XYLT1: variants seen among roughly 807,000 people sequenced by gnomAD.
The protein encoded by XYLT1 is beta-D-xylosyltransferase 1.
XYLT1 carries 36 observed loss-of-function variants against 91.3 expected under a neutral mutation model. The observed-to-expected ratio is 0.39, with a 90% CI of 0.30 to 0.52. The LOEUF (loss-of-function observed/expected upper bound fraction) is 0.52, where lower values mean the gene tolerates loss of function less well. Among genes scored for constraint, XYLT1 ranks in the 20% least tolerant of loss-of-function variants. XYLT1 has a pLI of 0.68. For synonymous variants in XYLT1, 588 were observed against 532.0 expected, an observed-to-expected ratio of 1.11 and a Z score of -1.45; for missense variants, 1,242 against 1,284.5, an observed-to-expected ratio of 0.97 and a Z score of 0.51.
At chr16:17,234,633 T>C (rs1366151807) in intron 3 of XYLT1, among the ~76,000 whole-genome samples, 7 of 151,376 alleles carry the variant, frequency 4.6e-5, no homozygotes, top group Non-Finnish European at 8.8e-5. Context: ...TCATTATACA[T>C]TTCACAGCAG....
intron 1 of XYLT1, among the ~76,000 whole-genome samples, chr16:17,460,464 A>T (rs2036803937): frequency 6.6e-6 from 1 of 152,228 alleles, no homozygotes; most frequent in Non-Finnish European, 1.5e-5. Flanking sequence ...AGGGCAAGGC[A>T]CAGGCAGTGA....
chr16:17,390,244 C>T (rs1370233693), intron 1 of XYLT1, among the ~76,000 whole-genome samples: 1 of 152,176 alleles, frequency 6.6e-6, no homozygotes, highest in African/African-American at 2.4e-5. Context: ...TTCCTCTTTC[C>T]CCACTCAAAA....
chr16:17,430,824 A>C (rs1420767704), intron 1 of XYLT1, among the ~76,000 whole-genome samples: 2 of 152,336 alleles, frequency 1.3e-5, no homozygotes, highest in East Asian at 3.9e-4. Flanking sequence ...CCAGAACCTG[A>C]AGCCTGAGCT....
At chr16:17,286,523 A>T (rs1272024782) in intron 2 of XYLT1, among the ~76,000 whole-genome samples, 1 of 152,210 alleles carries the variant, frequency 6.6e-6, no homozygotes. Flanking sequence ...ACCCATGTGG[A>T]TCCTTGATCA....
chr16:17,187,438 A>AT (rs1397140175), intron 5 of XYLT1, among the ~76,000 whole-genome samples: 1 of 148,810 alleles, frequency 6.7e-6, no homozygotes, highest in African/African-American at 2.5e-5. Flanking sequence ...GTGGTGGTGC[A>AT]TAACTGTAAT....
intron 1 of XYLT1, among the ~76,000 whole-genome samples, chr16:17,372,134 G>T (rs933281189): frequency 5.3e-5 from 8 of 152,156 alleles, no homozygotes; most frequent in African/African-American, 1.9e-4. Context: ...AGAATAACAG[G>T]AAAAACATGC....
At chr16:17,326,465 C>T (rs2034803999) in intron 2 of XYLT1, among the ~76,000 whole-genome samples, 1 of 152,094 alleles carries the variant, frequency 6.6e-6, no homozygotes, top group South Asian at 2.1e-4. Flanking sequence ...TTTGGTATTC[C>T]ATGCTCTTAG....
Position 17,328,215 on chromosome 16 carries a change from G to C in XYLT1, c.402+29797C>G, listed in dbSNP as rs535378353. Among the ~76,000 whole-genome samples, 11 of 152,132 alleles carry C rather than the reference G, an allele frequency of 7.2e-5. No homozygotes were observed. The South Asian group carries it at 1.5e-3, about 20-fold the overall frequency. ...TGAATGAGATTATTTCTAGGGTTGAGAAGCAGGGCCAGCTGATTGTCACAA... is the reference window on the plus strand; with the variant it reads ...TGAATGAGATTATTTCTAGGGTTGACAAGCAGGGCCAGCTGATTGTCACAA... On this transcript the variant is annotated intron_variant, in intron 2 of 11. Coordinates refer to ENST00000261381, the MANE Select transcript of XYLT1 (RefSeq NM_022166.4).
chr16:17,181,397 C>CAA lies in XYLT1; in HGVS notation c.1289+16813_1289+16814dup, dbSNP rs561829952. On this transcript the variant is annotated intron_variant, in intron 5 of 11. Transcript: ENST00000261381. ...GGAGAGAATAAGGAAAGTGACCACA[C>CAA]AAGGCCAGACCATGTTTTTGTCCAG... Among the ~76,000 whole-genome samples the CAA allele has an allele frequency of 2.0e-3, 306 of 152,320 alleles. 1 individual carries two copies. The highest frequency in any genetic ancestry group is 7.1e-3 in the African/African-American group (297 of 41,568).
chr16:17,212,678 T>C (rs1214950759), intron 3 of XYLT1, among the ~76,000 whole-genome samples: 1 of 152,092 alleles, frequency 6.6e-6, no homozygotes, highest in Non-Finnish European at 1.5e-5. Context: ...CCCGACCCCA[T>C]TCAAGTCTGG....
chr16:17,175,628 T>C (rs1466322), intron 5 of XYLT1, among the ~76,000 whole-genome samples: 41,057 of 152,086 alleles, frequency 0.27, 6,136 homozygotes, highest in South Asian at 0.47. Flanking sequence ...CTCCCTGTCC[T>C]CTCTCATGGA....
intron 3 of XYLT1, among the ~76,000 whole-genome samples, chr16:17,257,478 A>C (rs1160594910): frequency 2.6e-5 from 4 of 152,180 alleles, no homozygotes; most frequent in Non-Finnish European, 5.9e-5. Context: ...ACGAATTCAC[A>C]AACATTTTGA....
chr16:17,311,871 T>C (rs140271899), intron 2 of XYLT1, among the ~76,000 whole-genome samples: 1 of 148,374 alleles, frequency 6.7e-6, no homozygotes, highest in African/African-American at 2.5e-5. Context: ...AAAAGGGGTT[T>C]CCCCTTATAA....
At chr16:17,448,240 T>G (rs2036618133) in intron 1 of XYLT1, among the ~76,000 whole-genome samples, 1 of 152,150 alleles carries the variant, frequency 6.6e-6, no homozygotes, top group African/African-American at 2.4e-5. Flanking sequence ...TGATGGCACA[T>G]GCCTAAAATC....
At chr16:17,141,722 G>A (rs748246873) in intron 6 of XYLT1, among the ~76,000 whole-genome samples, 5 of 152,094 alleles carry the variant, frequency 3.3e-5, no homozygotes, top group South Asian at 2.1e-4. Flanking sequence ...TTATGCCATA[G>A]AGGTCTTGGC....
chr16:17,449,257 A>G (rs13333544), intron 1 of XYLT1, among the ~76,000 whole-genome samples: 8,623 of 152,324 alleles, frequency 0.057, 335 homozygotes, highest in African/African-American at 0.098. Context: ...CTGCAGCCCC[A>G]TCCTGGGGAA....
intron 3 of XYLT1, among the ~76,000 whole-genome samples, chr16:17,215,526 C>T (rs1461348807): frequency 1.3e-5 from 2 of 152,068 alleles, no homozygotes; most frequent in African/African-American, 4.8e-5. Context: ...ATGCTGGCAC[C>T]CTGATCTCAG....
chr16:17,287,552 T>C (rs1193621540), intron 2 of XYLT1, among the ~76,000 whole-genome samples: 1 of 152,238 alleles, frequency 6.6e-6, no homozygotes, highest in Non-Finnish European at 1.5e-5. Flanking sequence ...TGATCTGCAC[T>C]GTCAGGCTGC....
At chr16:17,360,594 T>TA (rs1208690531) in intron 1 of XYLT1, among the ~76,000 whole-genome samples, 1 of 152,176 alleles carries the variant, frequency 6.6e-6, no homozygotes, top group East Asian at 1.9e-4. Context: ...CCAGCATCAT[T>TA]ATGCTCTCCT....
Sources: allele counts gnomAD v4.1 joint callset (sites outside exome capture counted in the v4.1 genomes callset), GRCh38; gene constraint gnomAD v4.1.1; transcripts MANE v1.5; gene names NCBI Gene and HGNC (gene_info 2026-07-23, HGNC 2026-07-21).